The following THUMPD2 variants were observed in gnomAD, a reference collection of about 807,000 sequenced individuals.
The protein encoded by THUMPD2 is THUMP domain 2 tRNA and snRNA guanosine methyltransferase, also known as U6 snRNA (guanine-N(2))-methyltransferase THUMPD2.
Under a neutral mutation model 49.4 loss-of-function variants are expected in THUMPD2, and 56 were observed. That is an observed-to-expected ratio of 1.13 (90% CI 0.91 to 1.41). The LOEUF is 1.41. Among genes scored for constraint, THUMPD2 ranks in the 40% most tolerant of loss-of-function variants. The probability of loss-of-function intolerance (pLI) is 0.00; values close to 1 mark genes in which losing one functional copy is unlikely to be tolerated. For missense variants in THUMPD2, 709 were observed against 594.5 expected (o/e 1.19, Z -2.00); for synonymous variants, 237 against 205.2 (o/e 1.15, Z -1.32).
intron 9 of THUMPD2, among the ~76,000 whole-genome samples, chr2:39,738,011 C>T (rs1159494440): frequency 6.6e-6 from 1 of 151,964 alleles, no homozygotes; most frequent in South Asian, 2.1e-4. Context: ...GGATACACAG[C>T]CTGGAGTAAT....
intron 5 of THUMPD2, among the ~76,000 whole-genome samples, chr2:39,762,730 AAC>A (rs1476735364): frequency 6.6e-6 from 1 of 150,730 alleles, no homozygotes; most frequent in Non-Finnish European, 1.5e-5. Context: ...AAAGTTATAA[AAC>A]ACAGTTTGCA....
intron 9 of THUMPD2, 53 bp downstream of exon 9, chr2:39,744,317 C>T (rs914966150): frequency 1.4e-5 from 15 of 1,065,276 alleles, no homozygotes; most frequent in Admixed American, 2.8e-5. Context: ...TGATGTATTT[C>T]GGTTAAATGC....
chr2:39,758,226 G>T (rs770049076), intron 6 of THUMPD2, among the ~76,000 whole-genome samples: 1 of 152,050 alleles, frequency 6.6e-6, no homozygotes, highest in Non-Finnish European at 1.5e-5. Flanking sequence ...CTGGCAGTTT[G>T]GGAAAAAATT....
intron 6 of THUMPD2, chr2:39,757,436 A>G: frequency 7.7e-7 from 1 of 1,298,372 alleles, no homozygotes; most frequent in South Asian, 1.3e-5. Context: ...TTTTAAAGAG[A>G]ATATCACACA....
chr2:39,744,474 C>A lies in THUMPD2; in HGVS notation c.1083G>T (p.Leu361Phe). ...IELLKISVIE[L>F]PLPSESVDII... Reference sequence around the variant, plus strand: ...TATCAACACTTTCTGAAGGCAATGGCAATTCTGAAATATAGAAATCAGAGA... The same window carrying A: ...TATCAACACTTTCTGAAGGCAATGGAAATTCTGAAATATAGAAATCAGAGA... The change falls in exon 9 of 10, where the codon TTG becomes TTT. Residue 361 changes from leucine to phenylalanine, a missense_variant. Physicochemically the swap from Leu to Phe is conservative, Grantham distance 22 (BLOSUM62 0). Coordinates refer to ENST00000505747, the MANE Select transcript of THUMPD2 (RefSeq NM_025264.5). 3.9e-6 allele frequency: 6 copies of A among 1,557,658 alleles called. No homozygotes were observed. The highest frequency in any genetic ancestry group is 4.3e-6 in the Non-Finnish European group (5 of 1,153,782).
chr2:39,777,607 CTTAACT>C (rs1372448467), intron 1 of THUMPD2, among the ~76,000 whole-genome samples: 1 of 152,116 alleles, frequency 6.6e-6, no homozygotes, highest in Non-Finnish European at 1.5e-5. Flanking sequence ...TCAGGATTGC[CTTAACT>C]TTGAGAGTTC....
intron 8 of THUMPD2, among the ~76,000 whole-genome samples, chr2:39,748,750 G>T (rs1019531614): frequency 3.4e-4 from 51 of 152,230 alleles, no homozygotes; most frequent in African/African-American, 1.2e-3. Context: ...AGCACTCCGG[G>T]AGGCTGAGCT....
At chr2:39,767,321 G>A (rs1005243968) in intron 4 of THUMPD2, among the ~76,000 whole-genome samples, 1 of 152,168 alleles carries the variant, frequency 6.6e-6, no homozygotes, top group Admixed American at 6.5e-5. Context: ...AATTGGAAAG[G>A]GGGCCGGGCG....
intron 5 of THUMPD2, among the ~76,000 whole-genome samples, chr2:39,763,215 T>C (rs1209593134): frequency 6.6e-6 from 1 of 151,922 alleles, no homozygotes; most frequent in Middle Eastern, 3.4e-3. Context: ...GACAAAGACG[T>C]CCTAATCTAT....
Position 39,736,704 on chromosome 2 carries a change from G to C in THUMPD2, c.*31C>G. ...TTCTGCTGTACAGCTAACTTACAAG[G>C]GCCTGAACCCGGCTGATGGCAGCAA... On this transcript the variant is annotated 3_prime_UTR_variant, in exon 10 of 10. Transcript: ENST00000505747. The C allele has an allele frequency of 1.3e-6, 2 of 1,587,174 alleles. No homozygotes were observed. The highest frequency in any genetic ancestry group is 1.7e-6 in the Non-Finnish European group (2 of 1,163,990).
intron 4 of THUMPD2, among the ~76,000 whole-genome samples, chr2:39,766,986 C>T (rs35634970): frequency 6.6e-4 from 100 of 152,216 alleles, no homozygotes; most frequent in Non-Finnish European, 7.6e-4. Flanking sequence ...TCTAAAGATA[C>T]GACATGTTCA....
Position 39,776,245 on chromosome 2 carries a change from T to G in THUMPD2, c.126+2869A>C, listed in dbSNP as rs138460616. Among the ~76,000 whole-genome samples, 801 of 152,258 alleles carry G rather than the reference T, an allele frequency of 5.3e-3. 6 individuals are homozygous for G. Among genetic ancestry groups the G allele is most frequent in the African/African-American group, 0.018 (763 of 41,542 alleles). The stretch of plus-strand genomic sequence containing the variant: ...ATATTTAACATCATCCAGGGACTTA[T>G]GAAGAAATTTGCCATACAACGAGAG... On this transcript the variant is annotated intron_variant, in intron 1 of 9. Transcript: ENST00000505747.
At chr2:39,747,364 C>G (rs1426835887) in intron 8 of THUMPD2, among the ~76,000 whole-genome samples, 1 of 152,048 alleles carries the variant, frequency 6.6e-6, no homozygotes. Flanking sequence ...TCAGTAAGTA[C>G]AAGAGGGCGT....
intron 5 of THUMPD2, 128 bp downstream of exon 5, chr2:39,765,929 G>T: frequency 1.3e-6 from 1 of 748,620 alleles, no homozygotes; most frequent in Non-Finnish European, 2.2e-6. Context: ...CTTAAGCAAA[G>T]AATTCAAATG....
At chr2:39,769,132 T>C in intron 3 of THUMPD2, 3 of 1,283,888 alleles carry the variant, frequency 2.3e-6, no homozygotes, top group Non-Finnish European at 3.1e-6. Context: ...AAAGCTGAAC[T>C]GAAGAGAAAC....
chr2:39,757,366 T>C (rs1647994248), intron 6 of THUMPD2: 1 of 1,301,476 alleles, frequency 7.7e-7, no homozygotes, highest in Non-Finnish European at 1.0e-6. Flanking sequence ...AGCCATATGG[T>C]ACCTAATGGA....
At chr2:39,762,998 T>A (rs1264826719) in intron 5 of THUMPD2, among the ~76,000 whole-genome samples, 5 of 152,024 alleles carry the variant, frequency 3.3e-5, no homozygotes, top group African/African-American at 1.2e-4. Flanking sequence ...AATTATCTCA[T>A]TACTTCAACA....
rs1400014465 is a variant in THUMPD2, at chr2:39,743,413, T to TA, written c.1187+956dup. On this transcript the variant is annotated intron_variant, in intron 9 of 9. Transcript: ENST00000505747. Reference sequence around the variant, plus strand: ...TATTCCCTTAGGTCATTAGAAACCATAAGATGAATACTTTCACATTTTCAT... The same window carrying TA: ...TATTCCCTTAGGTCATTAGAAACCATAAAGATGAATACTTTCACATTTTCAT... Among the ~76,000 whole-genome samples the TA allele has an allele frequency of 3.9e-5, 6 of 152,216 alleles. 1 individual carries two copies. Among genetic ancestry groups the TA allele is most frequent in the Admixed American group, 3.9e-4 (6 of 15,282 alleles).
intron 9 of THUMPD2, among the ~76,000 whole-genome samples, chr2:39,738,537 C>G (rs1673451523): frequency 6.6e-6 from 1 of 151,494 alleles, no homozygotes; most frequent in South Asian, 2.1e-4. Context: ...GCACTCTAGT[C>G]TGGGCAACAG....
Sources: allele counts gnomAD v4.1 joint callset (sites outside exome capture counted in the v4.1 genomes callset), GRCh38; gene constraint gnomAD v4.1.1; transcripts MANE v1.5; gene names NCBI Gene and HGNC (gene_info 2026-07-23, HGNC 2026-07-21).